Variants in DAB2 observed in about 807,000 individuals in gnomAD.
DAB2 encodes disabled homolog 2.
In DAB2, 28 loss-of-function variants were observed where a neutral mutation model predicts 71.6. That is an observed-to-expected ratio of 0.39 (90% CI 0.29 to 0.54). The LOEUF (loss-of-function observed/expected upper bound fraction) is 0.54, where lower values mean the gene tolerates loss of function less well. Among genes scored for constraint, DAB2 ranks in the 20% least tolerant of loss-of-function variants. DAB2 has a pLI of 0.68. For missense variants in DAB2, 867 were observed against 928.8 expected (o/e 0.93, Z 0.86); for synonymous variants, 345 against 339.7 (o/e 1.02, Z -0.17).
chr5:39,411,559 C>T (rs1448354504), intron 1 of DAB2, among the ~76,000 whole-genome samples: 1 of 152,138 alleles, frequency 6.6e-6, no homozygotes, highest in South Asian at 2.1e-4. Flanking sequence ...AGGATCCACT[C>T]CATGGTAACA....
rs1319322554 is a variant in DAB2, at chr5:39,395,425, A to T, written c.-101-1004T>A. Among the ~76,000 whole-genome samples, 3 of 152,268 alleles carry T rather than the reference A, an allele frequency of 2.0e-5. No individual in the cohort carries two copies. In the East Asian group the frequency reaches 5.8e-4, roughly 29 times the overall value. Reference sequence around the variant, plus strand: ...CGTGCCTATACCACCCATTTAAGTGAACATTGTAACTGAAGGACCAAGCCC... The same window carrying T: ...CGTGCCTATACCACCCATTTAAGTGTACATTGTAACTGAAGGACCAAGCCC... On this transcript the variant is annotated intron_variant, in intron 1 of 14. Coordinates refer to ENST00000320816, the MANE Select transcript of DAB2 (RefSeq NM_001343.4).
At chr5:39,396,894 AG>A (rs1165988249) in intron 1 of DAB2, among the ~76,000 whole-genome samples, 1 of 152,174 alleles carries the variant, frequency 6.6e-6, no homozygotes, top group Non-Finnish European at 1.5e-5. Context: ...GAGTAGCTGG[AG>A]GGGTGATCTG....
chr5:39,410,282 G>T (rs1327476541), intron 1 of DAB2, among the ~76,000 whole-genome samples: 1 of 152,076 alleles, frequency 6.6e-6, no homozygotes, highest in Non-Finnish European at 1.5e-5. Context: ...AACCATTTTG[G>T]TATTAACAAA....
intron 1 of DAB2, among the ~76,000 whole-genome samples, chr5:39,414,438 CAGA>C (rs1755801314): frequency 6.6e-6 from 1 of 152,006 alleles, no homozygotes; most frequent in South Asian, 2.1e-4. Flanking sequence ...AAAGGAGAAA[CAGA>C]AGGAGAATAA....
At chr5:39,411,544 C>T (rs1321023602) in intron 1 of DAB2, among the ~76,000 whole-genome samples, 1 of 152,284 alleles carries the variant, frequency 6.6e-6, no homozygotes, top group African/African-American at 2.4e-5. Flanking sequence ...TCCTTGAAGC[C>T]TTGGAGGATC....
chr5:39,417,954 C>T (rs965718730), intron 1 of DAB2: 27 of 152,296 alleles, frequency 1.8e-4, no homozygotes, highest in Middle Eastern at 3.4e-3. Context: ...AATATTGACC[C>T]TCCTTACTAG....
chr5:39,386,676 G>A (rs1342313710), intron 9 of DAB2, among the ~76,000 whole-genome samples: 1 of 152,042 alleles, frequency 6.6e-6, no homozygotes, highest in Non-Finnish European at 1.5e-5. Flanking sequence ...TCCTTTTTTA[G>A]AACATTCTAG....
chr5:39,399,897 C>T (rs1755456189), intron 1 of DAB2, among the ~76,000 whole-genome samples: 1 of 152,182 alleles, frequency 6.6e-6, no homozygotes, highest in African/African-American at 2.4e-5. Context: ...ATATCCTTAT[C>T]CTTTCTACCA....
intron 1 of DAB2, among the ~76,000 whole-genome samples, chr5:39,419,949 T>G (rs140719736): frequency 6.6e-6 from 1 of 152,332 alleles, no homozygotes. Flanking sequence ...ACTGAAGGAA[T>G]TCAAATACTT....
intron 1 of DAB2, among the ~76,000 whole-genome samples, chr5:39,421,599 T>A (rs1755987952): frequency 6.6e-6 from 1 of 152,324 alleles, no homozygotes; most frequent in South Asian, 2.1e-4. Context: ...TCTGTGTCCG[T>A]ACCAGTCATC....
intron 1 of DAB2, among the ~76,000 whole-genome samples, chr5:39,406,398 A>T (rs1425080156): frequency 2.0e-5 from 3 of 152,142 alleles, no homozygotes; most frequent in Non-Finnish European, 4.4e-5. Context: ...AGGACCAGAG[A>T]TGGCCAAACC....
At chr5:39,381,358 T>G in intron 11 of DAB2, 96 bp downstream of exon 11, 2 of 1,306,770 alleles carry the variant, frequency 1.5e-6, no homozygotes, top group South Asian at 2.8e-5. Flanking sequence ...TCTTATGCTG[T>G]AAAACCCTCT....
chr5:39,423,517 A>G (rs1019245664), intron 1 of DAB2, among the ~76,000 whole-genome samples: 1 of 152,154 alleles, frequency 6.6e-6, no homozygotes, highest in Non-Finnish European at 1.5e-5. Flanking sequence ...TGGTAGCTGC[A>G]AGCTCCCTCC....
Position 39,394,342 on chromosome 5 carries a change from C to T in DAB2, c.-22G>A, listed in dbSNP as rs1260009711. ...ACATGGCAAGAAGGCAGGCAGCAAA[C>T]CTCAGTACCAGTGGACACTTGGTGA... On this transcript the variant is annotated 5_prime_UTR_variant, in exon 2 of 15. Transcript: ENST00000320816. The T allele has an allele frequency of 6.3e-7, 1 of 1,591,736 alleles. No homozygotes were observed. The highest frequency in any genetic ancestry group is 8.6e-7 in the Non-Finnish European group (1 of 1,159,962).
rs1178625072 is a variant in DAB2, at chr5:39,377,020, AG to A, written c.1766del (p.Pro589LeufsTer52). The A allele has an allele frequency of 6.2e-7, 1 of 1,614,114 alleles. No individual in the cohort carries two copies. The highest frequency in any genetic ancestry group is 1.7e-5 in the Admixed American group (1 of 60,006). ...TATTGCTCTGAAAAGGATTCCCCAAAGGGCTTGTTGTTGACCAAGCATTGGG... is the reference window on the plus strand; with the variant it reads ...TATTGCTCTGAAAAGGATTCCCCAAAGGCTTGTTGTTGACCAAGCATTGGG... ...VAPNAWSTTS[P>X]LGNPFQSNIF... is the part of the protein sequence containing the mutation. On this transcript the variant is annotated frameshift_variant, in exon 12 of 15. Coordinates refer to ENST00000320816, the MANE Select transcript of DAB2 (RefSeq NM_001343.4). LOFTEE classifies it high-confidence loss of function.
At chr5:39,375,647 G>A (rs1754809241) in intron 13 of DAB2, among the ~76,000 whole-genome samples, 1 of 152,146 alleles carries the variant, frequency 6.6e-6, no homozygotes, top group African/African-American at 2.4e-5. Context: ...CACTGAGGGA[G>A]GCCAAGGCAG....
At chr5:39,389,671 CT>C (rs1431855825) in intron 6 of DAB2, among the ~76,000 whole-genome samples, 180 bp downstream of exon 6, 1 of 152,092 alleles carries the variant, frequency 6.6e-6, no homozygotes, top group Admixed American at 6.5e-5. Flanking sequence ...ACCACCACCC[CT>C]GGCTAATTTT....
intron 1 of DAB2, among the ~76,000 whole-genome samples, chr5:39,403,566 G>T (rs989354542): frequency 1.3e-5 from 2 of 152,088 alleles, no homozygotes; most frequent in African/African-American, 4.8e-5. Context: ...TTTTTGCCTA[G>T]GTAGCAGGAG....
At chr5:39,412,979 T>C (rs562521559) in intron 1 of DAB2, among the ~76,000 whole-genome samples, 45 of 152,150 alleles carry the variant, frequency 3.0e-4, no homozygotes, top group South Asian at 6.2e-4. Context: ...ATAGGGCCTG[T>C]GCTGGGTTAT....
Sources: gnomAD v4.1 joint callset for allele counts (sites outside exome capture counted in the v4.1 genomes callset) on GRCh38, gnomAD v4.1.1 for gene constraint, MANE v1.5 for transcripts, NCBI Gene and HGNC (gene_info 2026-07-23, HGNC 2026-07-21) for gene names.